GAB2: variants seen among roughly 807,000 people sequenced by gnomAD.
GAB2 encodes the protein GRB2 associated binding protein 2, also known as GRB2-associated-binding protein 2.
GAB2 carries 26 observed loss-of-function variants against 65.5 expected under a neutral mutation model. The ratio of observed to expected loss-of-function variants is 0.40; its 90% CI spans 0.29 to 0.55. GAB2 has a LOEUF of 0.55. GAB2 is among the 20% of genes least tolerant of loss of function. The pLI is 0.53. For missense variants in GAB2, 884 were observed against 875.8 expected (o/e 1.01, Z -0.12); for synonymous variants, 321 against 329.6 (o/e 0.97, Z 0.28).
chr11:78,263,725 C>G (rs1865799289), intron 2 of GAB2, among the ~76,000 whole-genome samples: 3 of 151,442 alleles, frequency 2.0e-5, no homozygotes. Context: ...GATTCTTAAC[C>G]ATTTATTCTT....
At chr11:78,387,344 C>T (rs1351141181) in intron 1 of GAB2, among the ~76,000 whole-genome samples, 3 of 152,196 alleles carry the variant, frequency 2.0e-5, no homozygotes, top group African/African-American at 7.2e-5. Context: ...GGTTTTCAGA[C>T]ACTTTCTGAA....
chr11:78,401,122 A>T (rs1856966065), intron 1 of GAB2, among the ~76,000 whole-genome samples: 1 of 152,064 alleles, frequency 6.6e-6, no homozygotes, highest in South Asian at 2.1e-4. Context: ...TTTAAAAAAA[A>T]AAAACTGTCA....
intron 1 of GAB2, among the ~76,000 whole-genome samples, chr11:78,386,576 G>A (rs1856770511): frequency 1.3e-5 from 2 of 152,152 alleles, no homozygotes; most frequent in Admixed American, 1.3e-4. Flanking sequence ...CTAAAGGGAG[G>A]CCTGTCCTTA....
chr11:78,365,596 A>G (rs927134609), intron 1 of GAB2, among the ~76,000 whole-genome samples: 1 of 152,142 alleles, frequency 6.6e-6, no homozygotes, highest in Non-Finnish European at 1.5e-5. Context: ...AAAATGAAGT[A>G]CAGTCACTGA....
chr11:78,255,233 G>A (rs1418912084), intron 2 of GAB2, among the ~76,000 whole-genome samples: 4 of 152,052 alleles, frequency 2.6e-5, no homozygotes, highest in African/African-American at 7.2e-5. Flanking sequence ...AGGAACTAAC[G>A]GAAAGGTAGA....
At chr11:78,412,612 G>A (rs1591097985) in intron 1 of GAB2, among the ~76,000 whole-genome samples, 1 of 152,172 alleles carries the variant, frequency 6.6e-6, no homozygotes, top group Admixed American at 6.5e-5. Flanking sequence ...TTGTGATACT[G>A]TACTATAATT....
At chr11:78,326,750 T>C (rs920416195) in intron 1 of GAB2, among the ~76,000 whole-genome samples, 1 of 152,246 alleles carries the variant, frequency 6.6e-6, no homozygotes, top group Admixed American at 6.5e-5. Flanking sequence ...GAAATTCTAT[T>C]GTGGAGAATT....
At position 78,371,976 on chromosome 11, in the gene GAB2, GTAGGGC is replaced by G. The variant is rs150610038; in HGVS notation, c.75+45664_75+45669del. Among the ~76,000 whole-genome samples the G allele has an allele frequency of 7.2e-3, 1,097 of 152,210 alleles. 13 individuals carry two copies. Among genetic ancestry groups the G allele is most frequent in the African/African-American group, 0.025 (1,033 of 41,512 alleles). The stretch of plus-strand genomic sequence containing the variant: ...TAAAATCAAAATCATACTATATTTT[GTAGGGC>G]TAGTTTAAGAAATGAGATTAAATAA... On this transcript the variant is annotated intron_variant, in intron 1 of 9. Transcript: ENST00000361507.
At chr11:78,238,950 A>G (rs1180800254) in intron 3 of GAB2, among the ~76,000 whole-genome samples, 2 of 152,230 alleles carry the variant, frequency 1.3e-5, no homozygotes, top group African/African-American at 4.8e-5. Context: ...TGACTGAAAA[A>G]TGGACAAAAG....
chr11:78,388,679 CTT>C (rs1311028597), intron 1 of GAB2, among the ~76,000 whole-genome samples: 3 of 152,086 alleles, frequency 2.0e-5, no homozygotes, highest in South Asian at 2.1e-4. Context: ...CATAATTTCT[CTT>C]GTCTTTATCC....
rs372693456 is a variant in GAB2 at position 78,233,040 on chromosome 11, G to GTTTTTTTTTTTTTTTTT, written c.621-5990_621-5989insAAAAAAAAAAAAAAAAA. ...ACTTACCAATACCTGGCACTGTTAA[G>GTTTTTTTTTTTTTTTTT]TTTTTTTTTTTTTTTTGGTGACAAG... On this transcript the variant is annotated intron_variant, in intron 3 of 9. Transcript: ENST00000361507. 3.2e-4 allele frequency among the ~76,000 whole-genome samples: 42 copies of GTTTTTTTTTTTTTTTTT among 131,972 alleles called. 4 individuals carry two copies. Among genetic ancestry groups the GTTTTTTTTTTTTTTTTT allele is most frequent in the African/African-American group, 1.2e-3 (39 of 33,272 alleles). The allele number at this position is 131,972 out of a possible 152,430, so 86.6% of individuals were successfully genotyped here.
At chr11:78,351,704 G>T (rs1279889952) in intron 1 of GAB2, among the ~76,000 whole-genome samples, 1 of 152,158 alleles carries the variant, frequency 6.6e-6, no homozygotes. Flanking sequence ...GCTGGGAGAA[G>T]ACAAGCAGGG....
intron 6 of GAB2, 77 bp downstream of exon 6, chr11:78,223,335 T>C: frequency 8.0e-7 from 1 of 1,242,332 alleles, no homozygotes; most frequent in South Asian, 1.8e-5. Flanking sequence ...AAGTCCAGGA[T>C]CCACATGACC....
intron 1 of GAB2, among the ~76,000 whole-genome samples, chr11:78,315,331 T>G (rs1855580757): frequency 6.6e-6 from 1 of 152,230 alleles, no homozygotes; most frequent in South Asian, 2.1e-4. Flanking sequence ...AGAAGCCTGC[T>G]TTTAGGGGAT....
intron 1 of GAB2, among the ~76,000 whole-genome samples, chr11:78,374,727 T>C (rs1262229451): frequency 6.6e-6 from 1 of 152,188 alleles, no homozygotes; most frequent in Non-Finnish European, 1.5e-5. Flanking sequence ...AGTAATATAA[T>C]GGCACACAGT....
intron 1 of GAB2, among the ~76,000 whole-genome samples, chr11:78,393,691 T>C (rs1856860751): frequency 6.6e-6 from 1 of 152,170 alleles, no homozygotes; most frequent in South Asian, 2.1e-4. Context: ...TATTATAAAA[T>C]AGCGGAAAAT....
intron 1 of GAB2, among the ~76,000 whole-genome samples, chr11:78,331,438 G>T (rs1855912413): frequency 6.6e-6 from 1 of 151,794 alleles, no homozygotes; most frequent in African/African-American, 2.4e-5. Flanking sequence ...GTAGAGACGG[G>T]GTTTTACCAT....
intron 1 of GAB2, among the ~76,000 whole-genome samples, chr11:78,320,910 C>T (rs1271801824): frequency 6.6e-6 from 1 of 151,928 alleles, no homozygotes; most frequent in African/African-American, 2.4e-5. Flanking sequence ...GAAATTATGG[C>T]TTAAACTGTG....
At position 78,362,635 on chromosome 11, in the gene GAB2, A is replaced by C. The variant is rs575108056; in HGVS notation, c.75+55011T>G. ...TAAAGCCTGTCTCACTGTATTAACC[A>C]CAATAAATGTGAATTAACTAAATTC... On this transcript the variant is annotated intron_variant, in intron 1 of 9. Coordinates refer to ENST00000361507, the MANE Select transcript of GAB2 (RefSeq NM_080491.3). Among the ~76,000 whole-genome samples the C allele has an allele frequency of 2.6e-3, 396 of 152,280 alleles. 6 individuals carry two copies. The highest frequency in any genetic ancestry group is 0.02 in the Middle Eastern group (6 of 294).
Sources: allele counts gnomAD v4.1 joint callset (sites outside exome capture counted in the v4.1 genomes callset), GRCh38; gene constraint gnomAD v4.1.1; transcripts MANE v1.5; gene names NCBI Gene and HGNC (gene_info 2026-07-23, HGNC 2026-07-21).